Variants in KCTD16 observed in about 807,000 individuals in gnomAD.
KCTD16 encodes the protein potassium channel tetramerization domain containing 16, also known as BTB/POZ domain-containing protein KCTD16.
A neutral mutation model predicts 33.2 loss-of-function variants in KCTD16; 13 were observed. The observed-to-expected ratio is 0.39, with a 90% CI of 0.25 to 0.62. The LOEUF is 0.62. Among genes scored for constraint, KCTD16 ranks in the 20% least tolerant of loss-of-function variants. KCTD16 has a pLI of 0.50. For missense variants in KCTD16, 441 were observed against 525.1 expected (o/e 0.84, Z 1.57); for synonymous variants, 197 against 195.3 (o/e 1.01, Z -0.07).
At chr5:144,352,289 G>A (rs549343141) in intron 3 of KCTD16, among the ~76,000 whole-genome samples, 1 of 152,354 alleles carries the variant, frequency 6.6e-6, no homozygotes, top group Admixed American at 6.5e-5. Context: ...CCAAGGATAA[G>A]AGAAGGGAAT....
At position 144,199,955 on chromosome 5, in the gene KCTD16, C is replaced by T. The variant is rs184541940; in HGVS notation, c.-326-6434C>T. Among the ~76,000 whole-genome samples, 25 of 151,888 alleles carry T rather than the reference C, an allele frequency of 1.6e-4. No individual in the cohort carries two copies. The East Asian group carries it at 2.7e-3, about 17-fold the overall frequency. ...GTCTCGATCTCCTGATCTCATGATC[C>T]GCCCGCTTCTGCCTCCCAAAGTGCT... On this transcript the variant is annotated intron_variant, in intron 2 of 3. Coordinates refer to ENST00000512467, the MANE Select transcript of KCTD16 (RefSeq NM_020768.4).
intron 3 of KCTD16, among the ~76,000 whole-genome samples, chr5:144,452,413 G>A (rs1753964390): frequency 6.6e-6 from 1 of 151,934 alleles, no homozygotes; most frequent in Admixed American, 6.6e-5. Context: ...AGGAGGGAGA[G>A]AGGGATTGTG....
At chr5:144,403,922 A>G (rs1752758232) in intron 3 of KCTD16, among the ~76,000 whole-genome samples, 1 of 152,166 alleles carries the variant, frequency 6.6e-6, no homozygotes, top group Non-Finnish European at 1.5e-5. Flanking sequence ...TTAGGGTCTA[A>G]TTACTCCATC....
chr5:144,404,883 C>T (rs1056293020), intron 3 of KCTD16, among the ~76,000 whole-genome samples: 1 of 152,188 alleles, frequency 6.6e-6, no homozygotes, highest in African/African-American at 2.4e-5. Context: ...AGGTGCAGAG[C>T]TGGCAAGAAT....
At position 144,480,760 on chromosome 5, in the gene KCTD16, A is replaced by C. The variant is rs1241954897; in HGVS notation, c.*6646A>C. The C allele has an allele frequency of 6.6e-6, 1 of 151,964 alleles. No homozygotes were observed. The highest frequency in any genetic ancestry group is 6.6e-5 in the Admixed American group (1 of 15,226). 9.4% of individuals were successfully genotyped at this position (151,964 alleles called of 1,614,324 possible). A position where few individuals can be genotyped will look rare whatever the true frequency, so the allele number is the denominator to read the frequency against. On this transcript the variant is annotated 3_prime_UTR_variant, in exon 4 of 4. Transcript: ENST00000512467. ...GCTAAAGATCCTACAGTGTACTGGA[A>C]AGCCCTCCATAACAAAAAGTTATCC... is the stretch of plus-strand genomic sequence containing the variant.
intron 2 of KCTD16, among the ~76,000 whole-genome samples, chr5:144,190,995 G>A (rs1331723093): frequency 2.0e-5 from 3 of 152,194 alleles, no homozygotes; most frequent in Admixed American, 1.3e-4. Context: ...ACTGATTGTC[G>A]TTAATGTGCG....
intron 3 of KCTD16, among the ~76,000 whole-genome samples, chr5:144,222,903 C>A (rs1753806500): frequency 6.6e-6 from 1 of 152,134 alleles, no homozygotes; most frequent in Non-Finnish European, 1.5e-5. Flanking sequence ...AAATGTCCAA[C>A]AATGATAGAC....
chr5:144,303,399 A>T (rs1243657897), intron 3 of KCTD16, among the ~76,000 whole-genome samples: 1 of 152,180 alleles, frequency 6.6e-6, no homozygotes, highest in African/African-American at 2.4e-5. Flanking sequence ...TTTGTTAAAG[A>T]TCAAGTACAG....
At chr5:144,412,424 G>A (rs1323872128) in intron 3 of KCTD16, among the ~76,000 whole-genome samples, 2 of 152,244 alleles carry the variant, frequency 1.3e-5, no homozygotes, top group East Asian at 3.9e-4. Context: ...GCTAGGCTGA[G>A]AATGGCAAAT....
intron 3 of KCTD16, among the ~76,000 whole-genome samples, chr5:144,361,488 A>T (rs1476043916): frequency 1.3e-5 from 2 of 152,194 alleles, no homozygotes; most frequent in African/African-American, 4.8e-5. Flanking sequence ...CAGATGTATT[A>T]TGTCCACTTC....
At chr5:144,264,456 T>C (rs918913473) in intron 3 of KCTD16, among the ~76,000 whole-genome samples, 1 of 152,134 alleles carries the variant, frequency 6.6e-6, no homozygotes, top group Non-Finnish European at 1.5e-5. Flanking sequence ...TTCATTAAAT[T>C]AGAAACAATG....
chr5:144,426,376 C>G (rs1753329719), intron 3 of KCTD16, among the ~76,000 whole-genome samples: 1 of 152,100 alleles, frequency 6.6e-6, no homozygotes, highest in African/African-American at 2.4e-5. Context: ...AAAAGATTTC[C>G]CTACAGCTTG....
chr5:144,348,700 A>G (rs1752872382), intron 3 of KCTD16, among the ~76,000 whole-genome samples: 1 of 152,202 alleles, frequency 6.6e-6, no homozygotes, highest in East Asian at 1.9e-4. Context: ...ATTTTCAAAA[A>G]TTTTAACTGA....
Position 144,206,871 on chromosome 5 carries a change from A to C in KCTD16, c.157A>C (p.Lys53Gln). ...LISIPHSLLW[K>Q]MFSPKRDTAN... ...AAGCATCCCTCATTCCCTCCTGTGG[A>C]AAATGTTTTCCCCAAAGAGAGACAC... The change falls in exon 3 of 4, where the codon AAA (lysine) becomes CAA (glutamine). Residue 53 changes from lysine (K) to glutamine (Q), a missense_variant. Physicochemically the swap from Lys to Gln is moderately conservative, Grantham distance 53. Around this residue, in one of 3 missense-constraint regions of KCTD16, gnomAD observed 80 missense variants for 88.5 expected, o/e 0.90. Coordinates refer to ENST00000512467, the MANE Select transcript of KCTD16 (RefSeq NM_020768.4). 2 of 1,614,126 alleles carry C rather than the reference A, an allele frequency of 1.2e-6. No individual in the cohort carries two copies. Among genetic ancestry groups the C allele is most frequent in the Non-Finnish European group, 1.7e-6 (2 of 1,180,034 alleles).
chr5:144,238,662 T>C (rs1754319570), intron 3 of KCTD16, among the ~76,000 whole-genome samples: 1 of 152,132 alleles, frequency 6.6e-6, no homozygotes, highest in Non-Finnish European at 1.5e-5. Context: ...CAGTGTGTAT[T>C]AATCTCTTTC....
intron 1 of KCTD16, among the ~76,000 whole-genome samples, chr5:144,171,531 T>A (rs1257742596): frequency 6.6e-6 from 1 of 152,094 alleles, no homozygotes; most frequent in Non-Finnish European, 1.5e-5. Flanking sequence ...AGCAGTAGCA[T>A]CCCTAATCTC....
At chr5:144,406,164 T>A (rs909634378) in intron 3 of KCTD16, among the ~76,000 whole-genome samples, 4 of 152,160 alleles carry the variant, frequency 2.6e-5, no homozygotes, top group Non-Finnish European at 5.9e-5. Flanking sequence ...CCCTGAGAAT[T>A]CCCAAAGTGA....
chr5:144,481,189 T>A lies in KCTD16; in HGVS notation c.*7075T>A, dbSNP rs1311425018. The stretch of plus-strand genomic sequence containing the variant: ...GTGTTTGTTGTGAAGCACTCTGGGA[T>A]CCTTTTCAGTTTACATGATCCTGTT... On this transcript the variant is annotated 3_prime_UTR_variant, in exon 4 of 4. Coordinates refer to ENST00000512467, the MANE Select transcript of KCTD16 (RefSeq NM_020768.4). 1 of 151,970 alleles carries A rather than the reference T, an allele frequency of 6.6e-6. No homozygotes were observed. The highest frequency in any genetic ancestry group is 6.6e-5 in the Admixed American group (1 of 15,222). 9.4% of individuals were successfully genotyped at this position (151,970 alleles called of 1,614,324 possible).
At chr5:144,368,378 G>A (rs1017017786) in intron 3 of KCTD16, among the ~76,000 whole-genome samples, 3 of 152,092 alleles carry the variant, frequency 2.0e-5, no homozygotes, top group Admixed American at 6.5e-5. Flanking sequence ...TATGAAGGGT[G>A]AGAAGGACTC....
Sources: gnomAD v4.1 joint callset for allele counts (sites outside exome capture counted in the v4.1 genomes callset) on GRCh38, gnomAD v4.1.1 for gene constraint, gnomAD v4.1.1 regional missense constraint, MANE v1.5 for transcripts, NCBI Gene and HGNC (gene_info 2026-07-23, HGNC 2026-07-21) for gene names.